The following CLASRP variants were observed in gnomAD, a reference collection of about 807,000 sequenced individuals.
CLASRP encodes the protein CLK4-associating serine/arginine rich protein.
Under a neutral mutation model 99.9 loss-of-function variants are expected in CLASRP, and 52 were observed. That is an observed-to-expected ratio of 0.52 (90% CI 0.42 to 0.66). CLASRP has a LOEUF of 0.66. CLASRP is among the 30% of genes least tolerant of loss of function. CLASRP has a pLI of 0.00. For synonymous variants in CLASRP, 379 were observed against 373.0 expected, an observed-to-expected ratio of 1.02 and a Z score of -0.18; for missense variants, 848 against 999.2, an observed-to-expected ratio of 0.85 and a Z score of 2.04.
Position 45,065,563 on chromosome 19 carries a change from GAAAA to G in CLASRP, c.1409+946_1409+949del, listed in dbSNP as rs536324017. On this transcript the variant is annotated intron_variant, in intron 13 of 20. Transcript: ENST00000221455. Reference sequence around the variant, plus strand: ...GCTACAGAGTGAGACTGCGTCTCAAGAAAAAAAAAAAAAAAAGACATTTCATTTT... The same window carrying G: ...GCTACAGAGTGAGACTGCGTCTCAAGAAAAAAAAAAAAGACATTTCATTTT... 5.3e-5 allele frequency among the ~76,000 whole-genome samples: 6 copies of G among 113,448 alleles called. No homozygotes were observed. The South Asian group carries it at 1.4e-3, about 26-fold the overall frequency. The allele number at this position is 113,448 out of a possible 152,430, so 74.4% of individuals were successfully genotyped here.
chr19:45,059,369 G>A lies in CLASRP; in HGVS notation c.710+5G>A. 2.5e-6 allele frequency: 4 copies of A among 1,577,438 alleles called. No individual in the cohort carries two copies. The highest frequency in any genetic ancestry group is 3.4e-6 in the Non-Finnish European group (4 of 1,160,720). On this transcript the variant is annotated splice_donor_5th_base_variant and intron_variant, in intron 8 of 20. Coordinates refer to ENST00000221455, the MANE Select transcript of CLASRP (RefSeq NM_007056.3). ...GGCCGACGGTGACTTCGTCAGGTGA[G>A]GCCTGCCTGCTGACACCCCTACCCA...
At chr19:45,065,829 G>A (rs1027780961) in intron 13 of CLASRP, among the ~76,000 whole-genome samples, 1 of 152,282 alleles carries the variant, frequency 6.6e-6, no homozygotes, top group East Asian at 1.9e-4. Flanking sequence ...AGCTGTTAGA[G>A]GTGTAACAGG....
chr19:45,060,994 TC>T lies in CLASRP; in HGVS notation c.863+370del, dbSNP rs1489010165. ...TGTGTCGGAGTTTGGACAAGTGACT[TC>T]CCGAACTCTCTGAGCTTCAATTTTT... On this transcript the variant is annotated intron_variant, in intron 10 of 20. Coordinates refer to ENST00000221455, the MANE Select transcript of CLASRP (RefSeq NM_007056.3). The surrounding 1 kb of genome is among the most constrained non-coding windows in gnomAD (Gnocchi z 4.6). Among the ~76,000 whole-genome samples the T allele has an allele frequency of 6.6e-6, 1 of 152,286 alleles. No individual in the cohort carries two copies. The highest frequency in any genetic ancestry group is 6.5e-5 in the Admixed American group (1 of 15,306).
At chr19:45,047,297 G>A (rs1055380687) in intron 2 of CLASRP, among the ~76,000 whole-genome samples, 9 of 151,434 alleles carry the variant, frequency 5.9e-5, no homozygotes, top group East Asian at 1.9e-4. Flanking sequence ...TGTATGATCC[G>A]CTGATAAGTA....
chr19:45,057,138 C>T (rs554581455), intron 6 of CLASRP, among the ~76,000 whole-genome samples: 4 of 152,304 alleles, frequency 2.6e-5, no homozygotes, highest in African/African-American at 9.6e-5. Flanking sequence ...CCCTCACACA[C>T]GCTATTCCCT....
chr19:45,056,675 A>G, intron 6 of CLASRP, 141 bp downstream of exon 6: 1 of 699,140 alleles, frequency 1.4e-6, no homozygotes, highest in Non-Finnish European at 2.5e-6. Context: ...TGCTCAATTA[A>G]TAACTGTGTA....
chr19:45,065,208 C>A (rs912014850), intron 13 of CLASRP, among the ~76,000 whole-genome samples: 10 of 151,800 alleles, frequency 6.6e-5, no homozygotes, highest in Non-Finnish European at 1.3e-4. Context: ...CCCTGGGCAA[C>A]ATGGTGAAAC....
rs1966910114 is a variant in CLASRP, at chr19:45,060,294, CT to C, written c.711-94del. 8.8e-7 allele frequency: 1 copy of C among 1,132,554 alleles called. No homozygotes were observed. Among genetic ancestry groups the C allele is most frequent in the Admixed American group, 1.8e-5 (1 of 56,628 alleles). The allele number at this position is 1,132,554 out of a possible 1,614,324, so 70.2% of individuals were successfully genotyped here. ...GATACCTCAGGCTGGCGTGGGGTGACTCAGGTCCCTCACTTTCTCTGATGAC... is the reference window on the plus strand; with the variant it reads ...GATACCTCAGGCTGGCGTGGGGTGACCAGGTCCCTCACTTTCTCTGATGAC... On this transcript the variant is annotated intron_variant, in intron 8 of 20. Coordinates refer to ENST00000221455, the MANE Select transcript of CLASRP (RefSeq NM_007056.3). This position sits in a 1 kb window ranked among gnomAD's most constrained non-coding sequence, Gnocchi z 4.6.
At chr19:45,050,341 A>G (rs1218568009) in intron 2 of CLASRP, among the ~76,000 whole-genome samples, 1 of 152,220 alleles carries the variant, frequency 6.6e-6, no homozygotes, top group Non-Finnish European at 1.5e-5. Flanking sequence ...CAGAACCACA[A>G]GATACCACTT....
intron 16 of CLASRP, 60 bp from the exon 17 acceptor site, chr19:45,069,006 A>C (rs1393521551): frequency 7.1e-7 from 1 of 1,414,638 alleles, no homozygotes; most frequent in East Asian, 2.3e-5. Flanking sequence ...AAAAAAAAAG[A>C]AAAAAGAGAG....
At position 45,053,101 on chromosome 19, in the gene CLASRP, C is replaced by T; in HGVS notation, c.303C>T (p.Ser101=). The T allele has an allele frequency of 6.2e-7, 1 of 1,614,002 alleles. No homozygotes were observed. The highest frequency in any genetic ancestry group is 1.1e-5 in the South Asian group (1 of 91,076). ...AAGGTCTCGCCCTTCCCTAAAGCTC[C>T]CCAGAACAGGAGTCGGACGAACGGA... The part of the protein sequence containing the change: ...DYTPPLLTTI[S]PEQESDERKC... Residue 101 remains serine, a synonymous_variant, in exon 5 of 21, where the codon TCC becomes TCT. Coordinates refer to ENST00000221455, the MANE Select transcript of CLASRP (RefSeq NM_007056.3).
At chr19:45,043,967 C>T (rs1025163153) in intron 2 of CLASRP, among the ~76,000 whole-genome samples, 7 of 152,084 alleles carry the variant, frequency 4.6e-5, no homozygotes, top group Admixed American at 1.3e-4. Flanking sequence ...GTGCAACCTC[C>T]GCCTCCCGGG....
intron 6 of CLASRP, among the ~76,000 whole-genome samples, chr19:45,057,263 C>G (rs1444905305): frequency 1.3e-5 from 2 of 152,220 alleles, no homozygotes; most frequent in African/African-American, 4.8e-5. Flanking sequence ...CCTGCTACCC[C>G]TGACTGCTTG....
At chr19:45,068,327 C>CCCCCCCCCCAAA in intron 15 of CLASRP, 93 bp from the exon 16 acceptor site, 1 of 645,424 alleles carries the variant, frequency 1.5e-6, no homozygotes, top group Non-Finnish European at 2.8e-6. Flanking sequence ...CCCCACCCCC[C>CCCCCCCCCCAAA]CCCCGCACAA....
chr19:45,059,710 A>G (rs534020257), intron 8 of CLASRP, among the ~76,000 whole-genome samples: 1 of 152,056 alleles, frequency 6.6e-6, no homozygotes, highest in Non-Finnish European at 1.5e-5. Context: ...TTGTACCTCT[A>G]CCCTGAGCCA....
chr19:45,063,928 C>T (rs1967000771), intron 11 of CLASRP, 84 bp from the exon 12 acceptor site: 2 of 1,483,898 alleles, frequency 1.3e-6, no homozygotes, highest in Non-Finnish European at 1.8e-6. Flanking sequence ...CCCGCGCTGG[C>T]GCTGCTGTTG....
Position 45,059,291 on chromosome 19 carries a change from T to C in CLASRP, c.637T>C (p.Leu213=). Reference sequence around the variant, plus strand: ...AGACGTGGAGGTGGACGTGGATGAATTGAACCAGGAGCAGGTGGCAGATCT... The same window carrying C: ...AGACGTGGAGGTGGACGTGGATGAACTGAACCAGGAGCAGGTGGCAGATCT... ...DIDVEVDVDE[L]NQEQVADLNK... The change falls in exon 8 of 21, where the codon TTG becomes CTG. Residue 213 remains leucine, a synonymous_variant. Transcript: ENST00000221455. 1 of 1,610,910 alleles carries C rather than the reference T, an allele frequency of 6.2e-7. No homozygotes were observed. The highest frequency in any genetic ancestry group is 8.5e-7 in the Non-Finnish European group (1 of 1,178,534).
In CLASRP at chr19:45,057,992, A is replaced by C; in HGVS notation, c.613+94A>C. ...CTCTGTGGGGCACCCCGTGCTTACG[A>C]ACCGTGTCTCTCTCCCTACCCCGCC... is the stretch of plus-strand genomic sequence containing the variant. On this transcript the variant is annotated intron_variant, in intron 7 of 20. Coordinates refer to ENST00000221455, the MANE Select transcript of CLASRP (RefSeq NM_007056.3). 2.0e-6 allele frequency: 3 copies of C among 1,513,766 alleles called. No individual in the cohort carries two copies. In the South Asian group the frequency reaches 3.7e-5, roughly 18 times the overall value. 93.8% of individuals were successfully genotyped at this position (1,513,766 alleles called of 1,614,324 possible).
intron 2 of CLASRP, among the ~76,000 whole-genome samples, chr19:45,043,338 G>A (rs955440741): frequency 4.0e-5 from 6 of 148,500 alleles, no homozygotes; most frequent in Admixed American, 6.8e-5. Flanking sequence ...CATGAACCCG[G>A]GAGACAGAGC....
Sources: allele counts gnomAD v4.1 joint callset (sites outside exome capture counted in the v4.1 genomes callset), GRCh38; gene constraint gnomAD v4.1.1; non-coding constraint Gnocchi (gnomAD v3.1); transcripts MANE v1.5; gene names NCBI Gene and HGNC (gene_info 2026-07-23, HGNC 2026-07-21).